TAF6L: variants seen among roughly 807,000 people sequenced by gnomAD.
The protein encoded by TAF6L is TATA-box binding protein associated factor 6 like, also known as TAF6-like RNA polymerase II p300/CBP-associated factor-associated factor 65 kDa subunit 6L.
In TAF6L, 34 loss-of-function variants were observed where a neutral mutation model predicts 57.3. That is an observed-to-expected ratio of 0.59 (90% CI 0.45 to 0.79). TAF6L has a LOEUF of 0.79. Ranked by LOEUF, TAF6L falls within the 30% of genes least tolerant of loss-of-function variation. The pLI is 0.00. For synonymous variants in TAF6L, 417 were observed against 376.3 expected, an observed-to-expected ratio of 1.11 and a Z score of -1.25; for missense variants, 782 against 853.2, an observed-to-expected ratio of 0.92 and a Z score of 1.04.
intron 3 of TAF6L, among the ~76,000 whole-genome samples, chr11:62,777,352 A>C (rs926686046): frequency 2.0e-5 from 3 of 152,084 alleles, no homozygotes; most frequent in African/African-American, 7.2e-5. Context: ...AAAAAAGACT[A>C]AACGCACACA....
chr11:62,784,161 T>C (rs1451661341), intron 9 of TAF6L, among the ~76,000 whole-genome samples: 1 of 147,424 alleles, frequency 6.8e-6, no homozygotes, highest in Non-Finnish European at 1.5e-5. Flanking sequence ...AGTTAATTTT[T>C]GTATTTTTAG....
intron 1 of TAF6L, among the ~76,000 whole-genome samples, chr11:62,775,375 C>T (rs956644270): frequency 2.0e-5 from 3 of 152,120 alleles, no homozygotes; most frequent in Non-Finnish European, 4.4e-5. Context: ...GAGATTTGTG[C>T]GGGGACACAG....
rs1554996873 is a variant in TAF6L at position 62,779,952 on chromosome 11, C to CTACATATATATA, written c.531+991_531+992insCATATATATATA. Among the ~76,000 whole-genome samples the CTACATATATATA allele has an allele frequency of 2.8e-4, 28 of 100,028 alleles. 1 individual carries two copies. The highest frequency in any genetic ancestry group is 6.6e-4 in the South Asian group (2 of 3,038). The allele number at this position is 100,028 out of a possible 152,430, so 65.6% of individuals were successfully genotyped here. A position where few individuals can be genotyped will look rare whatever the true frequency, so the allele number is the denominator to read the frequency against. On this transcript the variant is annotated intron_variant, in intron 6 of 10. Coordinates refer to ENST00000294168, the MANE Select transcript of TAF6L (RefSeq NM_006473.4). ...AAGTGGTGGGATTACAGGCGTGAGCCTATATATATATATATATATATATAT... is the reference window on the plus strand; with the variant it reads ...AAGTGGTGGGATTACAGGCGTGAGCCTACATATATATATATATATATATATATATATATATAT...
In TAF6L at chr11:62,782,199, G is replaced by GGGGCCC; in HGVS notation, c.694_699dup (p.Gly232_Pro233dup). 6.2e-7 allele frequency: 1 copy of GGGGCCC among 1,614,164 alleles called. No homozygotes were observed. Among genetic ancestry groups the GGGGCCC allele is most frequent in the Non-Finnish European group, 8.5e-7 (1 of 1,180,026 alleles). ...TATTTCGTAATCCGCACCTGTGCTTGGGGCCCTATGTCCGCTGTCTGGTGG... is the reference window on the plus strand; with the variant it reads ...TATTTCGTAATCCGCACCTGTGCTTGGGGCCCGGGCCCTATGTCCGCTGTCTGGTGG... On this transcript the variant is annotated inframe_insertion, in exon 8 of 11. Coordinates refer to ENST00000294168, the MANE Select transcript of TAF6L (RefSeq NM_006473.4).
chr11:62,782,107 C>T lies in TAF6L; in HGVS notation c.607-6C>T, dbSNP rs1272562587. On this transcript the variant is annotated splice_region_variant and splice_polypyrimidine_tract_variant and intron_variant, in intron 7 of 10. Coordinates refer to ENST00000294168, the MANE Select transcript of TAF6L (RefSeq NM_006473.4). ...GTCCCTGTAAGCTACCCTCTTCTCC[C>T]AACAGGTGAAATCTGTAAGCCATGA... is the stretch of plus-strand genomic sequence containing the variant. 2 of 1,600,226 alleles carry T rather than the reference C, an allele frequency of 1.2e-6. No individual in the cohort carries two copies. Among genetic ancestry groups the T allele is most frequent in the African/African-American group, 1.3e-5 (1 of 74,824 alleles).
intron 6 of TAF6L, among the ~76,000 whole-genome samples, chr11:62,779,778 ACCT>A (rs1439790995): frequency 2.0e-5 from 3 of 150,172 alleles, no homozygotes; most frequent in African/African-American, 7.3e-5. Context: ...CAATTCTCCC[ACCT>A]CAGCTTCCCA....
chr11:62,787,038 G>C lies in TAF6L; in HGVS notation c.1611G>C (p.Gln537His), dbSNP rs1181764319. Residue 537 changes from glutamine to histidine, a missense_variant, in exon 11 of 11, where the codon CAG (glutamine) becomes CAC (histidine). Transcript: ENST00000294168. ...GGGCGCGCGGGGCACCCCGGCAGCA[G>C]GGCCCCGGGACCGGCACCCGCGACG... ...VHRARGAPRQ[Q>H]GPGTGTRDVF... 3 of 1,511,058 alleles carry C rather than the reference G, an allele frequency of 2.0e-6. No individual in the cohort carries two copies. The highest frequency in any genetic ancestry group is 3.8e-4 in the Middle Eastern group (2 of 5,286). 93.6% of individuals were successfully genotyped at this position (1,511,058 alleles called of 1,614,324 possible).
At chr11:62,781,989 A>G in intron 7 of TAF6L, 21 bp downstream of exon 7, 1 of 1,612,988 alleles carries the variant, frequency 6.2e-7, no homozygotes, top group South Asian at 1.1e-5. Context: ...AGGCTGGGAC[A>G]GGGAGAATGT....
chr11:62,782,561 T>TA (rs2084238222), intron 8 of TAF6L, 132 bp from the exon 9 acceptor site: 1 of 1,361,304 alleles, frequency 7.3e-7, no homozygotes, highest in African/African-American at 1.4e-5. Flanking sequence ...CAGTCACCCC[T>TA]GGCAGCCTTC....
intron 5 of TAF6L, 31 bp from the exon 6 acceptor site, chr11:62,778,838 C>A (rs767892410): frequency 1.1e-5 from 17 of 1,599,312 alleles, no homozygotes; most frequent in Admixed American, 3.3e-5. Flanking sequence ...AGCTCTCCAC[C>A]TGTCCCTGCT....
chr11:62,785,621 G>GC (rs1029270987), intron 9 of TAF6L, among the ~76,000 whole-genome samples: 4 of 146,584 alleles, frequency 2.7e-5, no homozygotes, highest in Admixed American at 1.4e-4. Context: ...TGCAACCTCT[G>GC]CCCCCCGAGT....
At chr11:62,775,179 T>C (rs1279799844) in intron 1 of TAF6L, among the ~76,000 whole-genome samples, 1 of 151,748 alleles carries the variant, frequency 6.6e-6, no homozygotes. Context: ...GAAGCAAACA[T>C]GTCTTTCTTC....
Position 62,787,085 on chromosome 11 carries a change from C to T in TAF6L, c.1658C>T (p.Ala553Val), listed in dbSNP as rs1001272030. Residue 553 changes from alanine to valine, a missense_variant, in exon 11 of 11, where the codon GCC becomes GTC. Ala to Val is a moderately conservative substitution (Grantham distance 64, BLOSUM62 0). Coordinates refer to ENST00000294168, the MANE Select transcript of TAF6L (RefSeq NM_006473.4). ...GACGTTTTCCAGAAGAGCCGTTTCG[C>T]CCCGCGCGGCGCCCCGCACTTTCGT... ...TRDVFQKSRF[A>V]PRGAPHFRFI... is the part of the protein sequence containing the mutation. 2 of 1,537,510 alleles carry T rather than the reference C, an allele frequency of 1.3e-6. No individual in the cohort carries two copies. Among genetic ancestry groups the T allele is most frequent in the Non-Finnish European group, 1.7e-6 (2 of 1,149,012 alleles).
intron 6 of TAF6L, among the ~76,000 whole-genome samples, chr11:62,781,252 G>GAA (rs780196135): frequency 4.0e-5 from 6 of 149,096 alleles, no homozygotes; most frequent in African/African-American, 1.5e-4. Context: ...AAAAAAAAAA[G>GAA]AAAAAGAAAC....
In TAF6L at chr11:62,782,311, C is replaced by T. The variant is rs2084236161; in HGVS notation, c.805C>T (p.Leu269Phe). 5 of 1,613,836 alleles carry T rather than the reference C, an allele frequency of 3.1e-6. No individual in the cohort carries two copies. The highest frequency in any genetic ancestry group is 4.2e-6 in the Non-Finnish European group (5 of 1,179,990). ...DHWTLRDGAA[L>F]LLSHIFWTHG... ...CTGGACTCTGCGGGATGGGGCTGCCCTCCTGCTCAGCCACATCTTCTGGTA... is the reference window on the plus strand; with the variant it reads ...CTGGACTCTGCGGGATGGGGCTGCCTTCCTGCTCAGCCACATCTTCTGGTA... The change falls in exon 8 of 11, where the codon CTC becomes TTC. Residue 269 changes from leucine (L) to phenylalanine (F), a missense_variant. Transcript: ENST00000294168.
At chr11:62,785,968 T>A in intron 9 of TAF6L, 1 of 267,426 alleles carries the variant, frequency 3.7e-6, no homozygotes, top group Admixed American at 4.4e-5. Context: ...GGTAGCAGTA[T>A]GCAAACTAAA....
At chr11:62,782,953 G>A (rs1565189425) in intron 9 of TAF6L, 128 bp downstream of exon 9, 3 of 1,384,588 alleles carry the variant, frequency 2.2e-6, no homozygotes, top group Non-Finnish European at 2.9e-6. Context: ...TCTGGCCTTA[G>A]GCCAGGCTCA....
In TAF6L at chr11:62,787,231, G is replaced by C. The variant is rs1262183536; in HGVS notation, c.1804G>C (p.Gly602Arg). ...SRYVQKLPMI[G>R]RTSRPARRWA... is the part of the protein sequence containing the mutation. ...CTACGTGCAGAAACTGCCCATGATC[G>C]GCCGTACCAGCCGCCCCGCCCGCCG... is the stretch of plus-strand genomic sequence containing the variant. Residue 602 changes from glycine to arginine, a missense_variant, in exon 11 of 11, where the codon GGC becomes CGC. By Grantham distance (125) the Gly-to-Arg change is moderately radical (BLOSUM62 -2). Coordinates refer to ENST00000294168, the MANE Select transcript of TAF6L (RefSeq NM_006473.4). The C allele has an allele frequency of 1.3e-6, 2 of 1,574,670 alleles. No individual in the cohort carries two copies.
At chr11:62,782,001 T>C in intron 7 of TAF6L, 33 bp downstream of exon 7, 1 of 1,611,958 alleles carries the variant, frequency 6.2e-7, no homozygotes, top group Non-Finnish European at 8.5e-7. Flanking sequence ...GGAGAATGTT[T>C]TATAAGGAAG....
Sources: gnomAD v4.1 joint callset for allele counts (sites outside exome capture counted in the v4.1 genomes callset) on GRCh38, gnomAD v4.1.1 for gene constraint, MANE v1.5 for transcripts, NCBI Gene and HGNC (gene_info 2026-07-23, HGNC 2026-07-21) for gene names.